The following BCAT2 variants were observed in gnomAD, a reference collection of about 807,000 sequenced individuals.
BCAT2 encodes branched chain amino acid transaminase 2.
BCAT2 carries 44 observed loss-of-function variants against 52.9 expected under a neutral mutation model. The ratio of observed to expected loss-of-function variants is 0.83; its 90% CI spans 0.65 to 1.07. BCAT2 has a LOEUF of 1.07. Among genes scored for constraint, BCAT2 ranks in the 50% least tolerant of loss-of-function variants. The probability of loss-of-function intolerance (pLI) is 0.00; values close to 1 mark genes in which losing one functional copy is unlikely to be tolerated. For missense variants in BCAT2, 478 were observed against 521.8 expected (o/e 0.92, Z 0.82); for synonymous variants, 215 against 217.1 (o/e 0.99, Z 0.08).
intron 1 of BCAT2, among the ~76,000 whole-genome samples, chr19:48,810,322 A>T (rs903175491): frequency 6.6e-6 from 1 of 152,094 alleles, no homozygotes; most frequent in Non-Finnish European, 1.5e-5. Context: ...TCACTGAGAA[A>T]CCTTGTTCTC....
chr19:48,805,631 A>G (rs2034750596), intron 3 of BCAT2, among the ~76,000 whole-genome samples: 1 of 133,668 alleles, frequency 7.5e-6, no homozygotes, highest in African/African-American at 2.8e-5. Flanking sequence ...GCCATCTCCA[A>G]CTGTCCCCTC....
In BCAT2 at chr19:48,799,959, C is replaced by A; in HGVS notation, c.531+22G>T. 6.2e-7 allele frequency: 1 copy of A among 1,611,680 alleles called. No individual in the cohort carries two copies. Among genetic ancestry groups the A allele is most frequent in the Non-Finnish European group, 8.5e-7 (1 of 1,178,348 alleles). On this transcript the variant is annotated intron_variant, in intron 5 of 10. Coordinates refer to ENST00000316273, the MANE Select transcript of BCAT2 (RefSeq NM_001190.4). This position sits in a 1 kb window ranked among gnomAD's most constrained non-coding sequence, Gnocchi z 5.5. Reference sequence around the variant, plus strand: ...AATCCAACCCCCGCAGCCCAGCTTCCCAGCCCTGGAGTTGGGCCCACCTCG... The same window carrying A: ...AATCCAACCCCCGCAGCCCAGCTTCACAGCCCTGGAGTTGGGCCCACCTCG...
At chr19:48,808,091 T>G (rs1017761877) in intron 1 of BCAT2, 4 of 987,262 alleles carry the variant, frequency 4.1e-6, no homozygotes, top group Non-Finnish European at 4.8e-6. Context: ...CGTGGTCACT[T>G]GTCGCTAGGT....
Position 48,801,851 on chromosome 19 carries a change from G to A in BCAT2, c.301-1554C>T, listed in dbSNP as rs549875459. 1.8e-3 allele frequency among the ~76,000 whole-genome samples: 277 copies of A among 152,012 alleles called. 2 individuals are homozygous for A. Among genetic ancestry groups the A allele is most frequent in the South Asian group, 1.0e-2 (48 of 4,816 alleles). ...GGGGTTTCACCACGTTGGCCAGGCT[G>A]GTCTTGAACTCCTGACCTCAGGTGA... On this transcript the variant is annotated intron_variant, in intron 3 of 10. Transcript: ENST00000316273.
rs192086932 is a variant in BCAT2, at chr19:48,806,378, G to T, written c.300+139C>A. The stretch of plus-strand genomic sequence containing the variant: ...CAAGCATGAGCCTGGAGCATGGAAG[G>T]CCTCAGAAAACAAATGGTGAATGCA... On this transcript the variant is annotated intron_variant, in intron 3 of 10. Transcript: ENST00000316273. 1,622 of 1,093,672 alleles carry T rather than the reference G, an allele frequency of 1.5e-3. 4 individuals are homozygous for T. The highest frequency in any genetic ancestry group is 3.0e-3 in the South Asian group (200 of 66,068). The allele number at this position is 1,093,672 out of a possible 1,614,324, so 67.7% of individuals were successfully genotyped here. A position where few individuals can be genotyped will look rare whatever the true frequency, so the allele number is the denominator to read the frequency against.
chr19:48,797,369 A>G (rs775472771), intron 6 of BCAT2, 36 bp from the exon 7 acceptor site: 1 of 1,611,196 alleles, frequency 6.2e-7, no homozygotes, highest in South Asian at 1.1e-5. Flanking sequence ...GGGGCAAGGG[A>G]GCCCCATCCT....
chr19:48,796,151 G>A (rs1430316153), intron 10 of BCAT2: 2 of 522,434 alleles, frequency 3.8e-6, no homozygotes, highest in Non-Finnish European at 6.7e-6. Flanking sequence ...TCCTACCAGG[G>A]CACCCAGGAG....
At chr19:48,795,607 CAAT>C (rs1222658125) in intron 10 of BCAT2, 143 bp from the exon 11 acceptor site, 3 of 903,914 alleles carry the variant, frequency 3.3e-6, no homozygotes, top group Non-Finnish European at 5.2e-6. Flanking sequence ...AGGGCCCCAA[CAAT>C]GATGGGAACG....
At chr19:48,800,739 T>C (rs2034640406) in intron 3 of BCAT2, among the ~76,000 whole-genome samples, 1 of 151,528 alleles carries the variant, frequency 6.6e-6, no homozygotes. Context: ...AGCCTGGGAG[T>C]TTGAGACTGC....
Position 48,807,018 on chromosome 19 carries a change from A to C in BCAT2, c.81T>G (p.Tyr27Ter). The C allele has an allele frequency of 1.2e-6, 2 of 1,613,924 alleles. No homozygotes were observed. The highest frequency in any genetic ancestry group is 1.7e-6 in the Non-Finnish European group (2 of 1,179,916). ...CTTTCACCTTGAAACTGGAGGAGGC[A>C]TATCTTCTGGGACCACACAGAAGCC... ...VPWLLCGPRR[Y>*]ASSSFKAADL... The change falls in exon 2 of 11, where the codon TAT (tyrosine) becomes TAG (stop). Residue 27 changes from tyrosine to a stop codon, truncating the protein, a stop_gained. Coordinates refer to ENST00000316273, the MANE Select transcript of BCAT2 (RefSeq NM_001190.4). LOFTEE classifies it high-confidence loss of function. This position sits in a 1 kb window ranked among gnomAD's most constrained non-coding sequence, Gnocchi z 4.6.
chr19:48,801,987 C>T (rs2034668151), intron 3 of BCAT2, among the ~76,000 whole-genome samples: 1 of 151,634 alleles, frequency 6.6e-6, no homozygotes, highest in Non-Finnish European at 1.5e-5. Flanking sequence ...CTATGTTGCC[C>T]AGGCTGGTCT....
Position 48,807,502 on chromosome 19 carries a change from G to A in BCAT2, c.25-428C>T, listed in dbSNP as rs1226859893. ...GCTCAGGGGTGCAGACCCCAGGCCC[G>A]CCTCCCTCAGACCTAAGTAAGAGTC... On this transcript the variant is annotated intron_variant, in intron 1 of 10. Transcript: ENST00000316273. The surrounding 1 kb of genome is among the most constrained non-coding windows in gnomAD (Gnocchi z 4.6). 5 of 177,634 alleles carry A rather than the reference G, an allele frequency of 2.8e-5. No individual in the cohort carries two copies. Among genetic ancestry groups the A allele is most frequent in the African/African-American group, 7.2e-5 (3 of 41,716 alleles). The allele number at this position is 177,634 out of a possible 1,614,324, so 11.0% of individuals were successfully genotyped here.
At chr19:48,810,548 C>T (rs958924214) in intron 1 of BCAT2, among the ~76,000 whole-genome samples, 1 of 151,974 alleles carries the variant, frequency 6.6e-6, no homozygotes, top group Non-Finnish European at 1.5e-5. Context: ...GACCTTGAGT[C>T]CAATTCCCAG....
At chr19:48,798,640 T>G (rs1386416544) in intron 6 of BCAT2, among the ~76,000 whole-genome samples, 3 of 151,574 alleles carry the variant, frequency 2.0e-5, no homozygotes, top group African/African-American at 7.3e-5. Flanking sequence ...CTTTTTTTTT[T>G]TTGAGATGGA....
rs758947094 is a variant in BCAT2, at chr19:48,800,242, C to T, written c.356G>A (p.Arg119His). 3 of 1,613,876 alleles carry T rather than the reference C, an allele frequency of 1.9e-6. No homozygotes were observed. Among genetic ancestry groups the T allele is most frequent in the Non-Finnish European group, 8.5e-7 (1 of 1,180,024 alleles). Residue 119 changes from arginine to histidine, a missense_variant, in exon 4 of 11, where the codon CGC becomes CAC. By Grantham distance (29) the Arg-to-His change is conservative. Transcript: ENST00000316273. ...KGKDQQVRLF[R>H]PWLNMDRMLR... ...CATCCGGTCCATGTTGAGCCAGGGG[C>T]GGAAGAGGCGCACCTGCTGGTCTTT... is the stretch of plus-strand genomic sequence containing the variant.
rs1220860012 is a variant in BCAT2 at position 48,799,633 on chromosome 19, G to GCCCAGTGC, written c.695+34_695+41dup. 6.6e-7 allele frequency: 1 copy of GCCCAGTGC among 1,517,142 alleles called. No homozygotes were observed. Among genetic ancestry groups the GCCCAGTGC allele is most frequent in the East Asian group, 2.3e-5 (1 of 43,460 alleles). 94.0% of individuals were successfully genotyped at this position (1,517,142 alleles called of 1,614,324 possible). On this transcript the variant is annotated intron_variant, in intron 6 of 10. Coordinates refer to ENST00000316273, the MANE Select transcript of BCAT2 (RefSeq NM_001190.4). This position sits in a 1 kb window ranked among gnomAD's most constrained non-coding sequence, Gnocchi z 5.5. ...GCACGCTGGTCCCTGTGTCTCCAAC[G>GCCCAGTGC]CCCAGTGCGCCAGTCGTTCTGGGGA...
intron 3 of BCAT2, among the ~76,000 whole-genome samples, chr19:48,800,844 T>G (rs181740618): frequency 6.6e-6 from 1 of 152,022 alleles, no homozygotes. Flanking sequence ...GGTTCCAAGT[T>G]TGCTTGTTCA....
rs2034699610 is a variant in BCAT2 at position 48,803,482 on chromosome 19, C to T, written c.300+3035G>A. 2.6e-5 allele frequency among the ~76,000 whole-genome samples: 4 copies of T among 152,050 alleles called. No individual in the cohort carries two copies. The South Asian group carries it at 8.3e-4, about 32-fold the overall frequency. The stretch of plus-strand genomic sequence containing the variant: ...GGTCAAGGCTGCAGTGAGCCAAGAT[C>T]GTGCCACTGCACTCCAGCCTGGGCT... On this transcript the variant is annotated intron_variant, in intron 3 of 10. Transcript: ENST00000316273.
chr19:48,806,399 AT>A lies in BCAT2; in HGVS notation c.300+117del, dbSNP rs1172638153. On this transcript the variant is annotated intron_variant, in intron 3 of 10. Coordinates refer to ENST00000316273, the MANE Select transcript of BCAT2 (RefSeq NM_001190.4). ...GAAGGCCTCAGAAAACAAATGGTGA[AT>A]GCACAGAAAGGAGAAACACACAACA... The A allele has an allele frequency of 3.1e-6, 4 of 1,310,460 alleles. No homozygotes were observed. The African/African-American group carries it at 5.8e-5, about 19-fold the overall frequency. 81.2% of individuals were successfully genotyped at this position (1,310,460 alleles called of 1,614,324 possible). A position where few individuals can be genotyped will look rare whatever the true frequency, so the allele number is the denominator to read the frequency against.
Sources: allele counts gnomAD v4.1 joint callset (sites outside exome capture counted in the v4.1 genomes callset), GRCh38; gene constraint gnomAD v4.1.1; non-coding constraint Gnocchi (gnomAD v3.1); transcripts MANE v1.5; gene names NCBI Gene and HGNC (gene_info 2026-07-23, HGNC 2026-07-21).